The following CLSTN2 variants were observed in gnomAD, a reference collection of about 807,000 sequenced individuals.
CLSTN2 encodes calsyntenin 2, also known as calsyntenin-2.
Under a neutral mutation model 101.2 loss-of-function variants are expected in CLSTN2, and 48 were observed. That is an observed-to-expected ratio of 0.47 (90% confidence interval 0.38 to 0.60). The LOEUF (loss-of-function observed/expected upper bound fraction) is 0.60, where lower values mean the gene tolerates loss of function less well. Among genes scored for constraint, CLSTN2 ranks in the 20% least tolerant of loss-of-function variants. The probability of loss-of-function intolerance (pLI) is 0.00; values close to 1 mark genes in which losing one functional copy is unlikely to be tolerated. For synonymous variants in CLSTN2, 481 were observed against 463.6 expected (o/e 1.04, Z -0.48); for missense variants, 1,160 against 1,238.2 (o/e 0.94, Z 0.95).
intron 1 of CLSTN2, among the ~76,000 whole-genome samples, chr3:140,028,491 G>A (rs1012980266): frequency 1.3e-5 from 2 of 152,110 alleles, no homozygotes; most frequent in African/African-American, 4.8e-5. Context: ...GAAAGGAAGG[G>A]CTCCCATGTT....
intron 1 of CLSTN2, among the ~76,000 whole-genome samples, chr3:139,977,922 C>T (rs1348309419): frequency 1.3e-5 from 2 of 152,116 alleles, no homozygotes; most frequent in East Asian, 3.9e-4. Context: ...TTAATGCTTC[C>T]TTTGCTGGCC....
At chr3:140,051,717 C>T (rs994967612) in intron 1 of CLSTN2, among the ~76,000 whole-genome samples, 20 of 152,218 alleles carry the variant, frequency 1.3e-4, no homozygotes, top group African/African-American at 4.6e-4. Flanking sequence ...GGTTCCACAT[C>T]ATTCATATCA....
intron 4 of CLSTN2, among the ~76,000 whole-genome samples, chr3:140,411,361 T>C (rs997323335): frequency 6.6e-6 from 1 of 152,128 alleles, no homozygotes; most frequent in East Asian, 1.9e-4. Flanking sequence ...AAAAAGTAAA[T>C]TCATCAAGAA....
chr3:140,040,109 A>C (rs1197360020), intron 1 of CLSTN2, among the ~76,000 whole-genome samples: 1 of 152,200 alleles, frequency 6.6e-6, no homozygotes, highest in Non-Finnish European at 1.5e-5. Flanking sequence ...CTAAAGCTAT[A>C]GTGTTTTGAA....
At chr3:140,491,172 G>T (rs1934346583) in intron 8 of CLSTN2, among the ~76,000 whole-genome samples, 1 of 152,128 alleles carries the variant, frequency 6.6e-6, no homozygotes, top group Non-Finnish European at 1.5e-5. Context: ...GGCCAGTCTG[G>T]TGCCCCTCCG....
At chr3:140,475,872 T>A (rs1419369726) in intron 8 of CLSTN2, among the ~76,000 whole-genome samples, 2 of 152,328 alleles carry the variant, frequency 1.3e-5, no homozygotes, top group East Asian at 3.9e-4. Flanking sequence ...AAGGGAATAA[T>A]ATAAACATTA....
In CLSTN2 at chr3:140,566,106, A is replaced by G; in HGVS notation, c.2721A>G (p.Glu907=). 6.2e-7 allele frequency: 1 copy of G among 1,612,422 alleles called. No homozygotes were observed. Among genetic ancestry groups the G allele is most frequent in the Non-Finnish European group, 8.5e-7 (1 of 1,178,482 alleles). Residue 907 remains glutamate (E), a synonymous_variant, in exon 17 of 17, where the codon GAA becomes GAG. Coordinates refer to ENST00000458420, the MANE Select transcript of CLSTN2 (RefSeq NM_022131.3). ...GEDETEGEEE[E]EAEEEMSSSS... ...ATGAGACTGAGGGAGAAGAGGAGGA[A>G]GAAGCCGAGGAAGAAATGAGCTCCA... is the stretch of plus-strand genomic sequence containing the variant.
intron 1 of CLSTN2, among the ~76,000 whole-genome samples, chr3:139,946,183 C>T (rs912942249): frequency 1.1e-4 from 17 of 152,158 alleles, no homozygotes; most frequent in African/African-American, 4.1e-4. Flanking sequence ...TGCAGCAATA[C>T]AGTTTATCCA....
rs778186498 is a variant in CLSTN2, at chr3:140,176,040, G to T, written c.199G>T (p.Ala67Ser). 3.1e-6 allele frequency: 5 copies of T among 1,613,728 alleles called. No homozygotes were observed. The highest frequency in any genetic ancestry group is 4.2e-6 in the Non-Finnish European group (5 of 1,179,844). ...AGTCATTTTGGACCCACCACTGGTA[G>T]CCCTGGATAAAGATGCACCGGTTCC... ...DTVILDPPLV[A>S]LDKDAPVPFA... Residue 67 changes from alanine (A) to serine (S), a missense_variant, in exon 2 of 17, where the codon GCC (alanine) becomes TCC (serine). Ala to Ser is a moderately conservative substitution (Grantham distance 99). Transcript: ENST00000458420.
chr3:140,278,596 G>A (rs1424819232), intron 2 of CLSTN2, among the ~76,000 whole-genome samples: 1 of 152,138 alleles, frequency 6.6e-6, no homozygotes, highest in African/African-American at 2.4e-5. Context: ...ACATCCCCTG[G>A]GCCAGTCCTG....
chr3:140,448,584 C>T lies in CLSTN2; in HGVS notation c.853C>T (p.Leu285=), dbSNP rs746126015. The T allele has an allele frequency of 1.9e-6, 3 of 1,614,112 alleles. No homozygotes were observed. Among genetic ancestry groups the T allele is most frequent in the Non-Finnish European group, 1.7e-6 (2 of 1,179,990 alleles). ...GSMPLFPSIH[L]ETCDGAVSSL... ...CATGCCCCTGTTCCCCAGCATCCACCTGGAGACGTGCGATGGAGCCGTGTC... is the reference window on the plus strand; with the variant it reads ...CATGCCCCTGTTCCCCAGCATCCACTTGGAGACGTGCGATGGAGCCGTGTC... Residue 285 remains leucine (L), a synonymous_variant, in exon 6 of 17, where the codon CTG becomes TTG. Coordinates refer to ENST00000458420, the MANE Select transcript of CLSTN2 (RefSeq NM_022131.3).
chr3:140,330,373 C>T (rs149317297), intron 2 of CLSTN2, among the ~76,000 whole-genome samples: 3 of 152,236 alleles, frequency 2.0e-5, no homozygotes, highest in Admixed American at 2.0e-4. Flanking sequence ...GTTGGTGGTT[C>T]CCAACTAATG....
chr3:140,171,093 G>A (rs905669529), intron 1 of CLSTN2, among the ~76,000 whole-genome samples: 2 of 152,072 alleles, frequency 1.3e-5, no homozygotes, highest in African/African-American at 4.8e-5. Context: ...AGATTTAATT[G>A]TTTCTCCCAA....
chr3:140,083,271 G>A (rs1010885382), intron 1 of CLSTN2, among the ~76,000 whole-genome samples: 3 of 152,214 alleles, frequency 2.0e-5, no homozygotes, highest in African/African-American at 7.2e-5. Flanking sequence ...GCCAGACACA[G>A]TGGCAAGTCT....
intron 1 of CLSTN2, among the ~76,000 whole-genome samples, chr3:140,125,584 G>T (rs991915857): frequency 7.9e-5 from 12 of 152,082 alleles, no homozygotes; most frequent in Non-Finnish European, 1.6e-4. Flanking sequence ...GAGTGTGGGT[G>T]TTTTAAATAG....
Position 139,935,282 on chromosome 3 carries a change from G to C in CLSTN2, c.-93G>C, listed in dbSNP as rs1039183132. The C allele has an allele frequency of 1.6e-6, 1 of 624,412 alleles. No homozygotes were observed. The highest frequency in any genetic ancestry group is 2.3e-6 in the Non-Finnish European group (1 of 440,068). 38.7% of individuals were successfully genotyped at this position (624,412 alleles called of 1,614,324 possible). On this transcript the variant is annotated 5_prime_UTR_variant, in exon 1 of 17. Coordinates refer to ENST00000458420, the MANE Select transcript of CLSTN2 (RefSeq NM_022131.3). The surrounding 1 kb of genome is among the most constrained non-coding windows in gnomAD (Gnocchi z 5.5). ...CGCTAGAAGCGCACCCATCGGGCAC[G>C]GCGAGGCGGCCCACGGTGCGGCAGG... is the stretch of plus-strand genomic sequence containing the variant.
At chr3:140,470,998 T>G (rs1298205415) in intron 8 of CLSTN2, among the ~76,000 whole-genome samples, 1 of 152,188 alleles carries the variant, frequency 6.6e-6, no homozygotes. Context: ...CGCAGCAGGC[T>G]CTGGCCAAGG....
intron 1 of CLSTN2, among the ~76,000 whole-genome samples, chr3:140,083,236 A>AT (rs148466384): frequency 0.057 from 8,633 of 152,120 alleles, 282 homozygotes; most frequent in Middle Eastern, 0.075. Flanking sequence ...CTATGATCTA[A>AT]TTTTTTCACC....
In CLSTN2 at chr3:139,972,549, G is replaced by A. The variant is rs79398858; in HGVS notation, c.109+37066G>A. Among the ~76,000 whole-genome samples the A allele has an allele frequency of 2.0e-5, 3 of 152,178 alleles. No homozygotes were observed. The South Asian group carries it at 6.2e-4, about 32-fold the overall frequency. On this transcript the variant is annotated intron_variant, in intron 1 of 16. Coordinates refer to ENST00000458420, the MANE Select transcript of CLSTN2 (RefSeq NM_022131.3). ...ACATCACCCCTATTCTCAGAGTTTT[G>A]CTCTCCTTGTCAGTAAAATGACTGC...
Sources: gnomAD v4.1 joint callset for allele counts (sites outside exome capture counted in the v4.1 genomes callset) on GRCh38, gnomAD v4.1.1 for gene constraint, Gnocchi (gnomAD v3.1) non-coding constraint, MANE v1.5 for transcripts, NCBI Gene and HGNC (gene_info 2026-07-23, HGNC 2026-07-21) for gene names.